Variants in ZNF536 observed in about 807,000 individuals in gnomAD.
ZNF536 encodes zinc finger protein 536.
A neutral mutation model predicts 84.5 loss-of-function variants in ZNF536; 13 were observed. That is an observed-to-expected ratio of 0.15 (90% CI 0.10 to 0.24). The LOEUF (loss-of-function observed/expected upper bound fraction) is 0.24. Ranked by LOEUF, ZNF536 falls within the 10% of genes least tolerant of loss-of-function variation. ZNF536 has a pLI of 1.00. For synonymous variants in ZNF536, 811 were observed against 742.5 expected, an observed-to-expected ratio of 1.09 and a Z score of -1.50; for missense variants, 1,536 against 1,747.5, an observed-to-expected ratio of 0.88 and a Z score of 2.16.
intron 1 of ZNF536, among the ~76,000 whole-genome samples, chr19:30,594,272 A>G (rs893298476): frequency 1.3e-5 from 2 of 152,250 alleles, no homozygotes; most frequent in African/African-American, 4.8e-5. Context: ...GCCAGCAGCC[A>G]GGTTCTCCTT....
chr19:30,710,633 A>C (rs1568695844), intron 1 of ZNF536: 1 of 152,248 alleles, frequency 6.6e-6, no homozygotes, highest in East Asian at 1.9e-4. Context: ...CACTCTCACT[A>C]TTTGATTTTT....
At chr19:30,539,958 G>A (rs539948396) in intron 3 of ZNF536, among the ~76,000 whole-genome samples, 1 of 152,344 alleles carries the variant, frequency 6.6e-6, no homozygotes, top group East Asian at 1.9e-4. Flanking sequence ...AAAACTTGGA[G>A]GCATGAAAGT....
intron 1 of ZNF536, among the ~76,000 whole-genome samples, chr19:30,607,534 A>G (rs1252945573): frequency 6.6e-6 from 1 of 152,016 alleles, no homozygotes; most frequent in Non-Finnish European, 1.5e-5. Context: ...AACCTGGCCA[A>G]CATGGTGAAA....
chr19:30,264,357 CT>C (rs2025384280), intron 1 of ZNF536, among the ~76,000 whole-genome samples: 1 of 151,666 alleles, frequency 6.6e-6, no homozygotes, highest in South Asian at 2.1e-4. Context: ...ACACCCTCCC[CT>C]GATCCCCCCA....
intron 1 of ZNF536, among the ~76,000 whole-genome samples, chr19:30,266,527 T>C (rs533024372): frequency 6.6e-6 from 1 of 152,004 alleles, no homozygotes; most frequent in Admixed American, 6.5e-5. Context: ...CTCTCCTCCT[T>C]GATTGTTTTG....
chr19:30,709,770 A>G (rs1254959565), intron 1 of ZNF536, among the ~76,000 whole-genome samples: 2 of 152,128 alleles, frequency 1.3e-5, no homozygotes, highest in African/African-American at 4.8e-5. Flanking sequence ...GACCACAGGC[A>G]TGTCCCTGGC....
intron 1 of ZNF536, among the ~76,000 whole-genome samples, chr19:30,418,132 C>A (rs1361015651): frequency 6.6e-6 from 1 of 151,640 alleles, no homozygotes; most frequent in Non-Finnish European, 1.5e-5. Context: ...AAACGAATAC[C>A]CAATTTTGCT....
intron 1 of ZNF536, among the ~76,000 whole-genome samples, chr19:30,269,538 G>A (rs1035653600): frequency 6.6e-6 from 1 of 152,166 alleles, no homozygotes; most frequent in Non-Finnish European, 1.5e-5. Flanking sequence ...TATGATTCAT[G>A]GTTGGGGTTG....
Position 30,279,384 on chromosome 19 carries a change from C to A in ZNF536, c.-189-4688C>A, listed in dbSNP as rs79371890. Among the ~76,000 whole-genome samples the A allele has an allele frequency of 3.3e-5, 5 of 152,114 alleles. No individual in the cohort carries two copies. The East Asian group carries it at 9.7e-4, about 30-fold the overall frequency. ...ATGGTTGAGTGAGTGGCTGATTCTCCGAGAGAAAGCTCCCTGGGAGCTTTC... is the reference window on the plus strand; with the variant it reads ...ATGGTTGAGTGAGTGGCTGATTCTCAGAGAGAAAGCTCCCTGGGAGCTTTC... On this transcript the variant is annotated intron_variant, in intron 1 of 5. Transcript: ENST00000585628.
Position 30,565,449 on chromosome 19 carries a change from A to G in ZNF536, c.169+15935A>G, listed in dbSNP as rs912786388. Among the ~76,000 whole-genome samples the G allele has an allele frequency of 1.1e-4, 17 of 152,154 alleles. 1 individual carries two copies. The highest frequency in any genetic ancestry group is 3.9e-4 in the African/African-American group (16 of 41,450). On this transcript the variant is annotated intron_variant, in intron 1 of 1. Coordinates refer to the ZNF536 transcript ENST00000592773. ...CCCGCAGGTCTGCCAGGCCTTCAGC[A>G]CTTCTGGACCCCAGCCACTTCTGCG...
At chr19:30,332,318 G>T (rs1021562349) in intron 2 of ZNF536, among the ~76,000 whole-genome samples, 3 of 152,254 alleles carry the variant, frequency 2.0e-5, no homozygotes, top group Admixed American at 1.3e-4. Context: ...TCTTCCCAGA[G>T]ATCCTCACCT....
chr19:30,604,547 A>C (rs1256122240), intron 1 of ZNF536, among the ~76,000 whole-genome samples: 1 of 152,232 alleles, frequency 6.6e-6, no homozygotes, highest in African/African-American at 2.4e-5. Flanking sequence ...GAGTGCTATT[A>C]GCTTCACAGG....
At chr19:30,631,493 C>T (rs904323603) in intron 1 of ZNF536, among the ~76,000 whole-genome samples, 25 of 152,164 alleles carry the variant, frequency 1.6e-4, no homozygotes, top group African/African-American at 1.4e-4. Context: ...AGATTGCTCA[C>T]GAATGTCTTC....
At chr19:30,472,706 T>G (rs2053687240) in intron 2 of ZNF536, among the ~76,000 whole-genome samples, 1 of 152,148 alleles carries the variant, frequency 6.6e-6, no homozygotes, top group Non-Finnish European at 1.5e-5. Flanking sequence ...TATGAAATCA[T>G]CACGAATATA....
At chr19:30,314,062 C>A (rs1265460518) in intron 2 of ZNF536, among the ~76,000 whole-genome samples, 3 of 152,190 alleles carry the variant, frequency 2.0e-5, no homozygotes, top group Admixed American at 2.0e-4. Flanking sequence ...TTGAGGTGGC[C>A]CTGCATGGCT....
chr19:30,350,184 C>T (rs1430170777), intron 2 of ZNF536, among the ~76,000 whole-genome samples: 2 of 152,126 alleles, frequency 1.3e-5, no homozygotes, highest in African/African-American at 4.8e-5. Flanking sequence ...TAAATTATGT[C>T]TAATGAACAT....
intron 1 of ZNF536, among the ~76,000 whole-genome samples, chr19:30,662,022 A>G (rs954649879): frequency 6.6e-6 from 1 of 152,228 alleles, no homozygotes; most frequent in Admixed American, 6.5e-5. Context: ...CCTTGAAATT[A>G]ACATAACTTA....
At chr19:30,561,037 G>T (rs372002197), downstream of ZNF536, among the ~76,000 whole-genome samples, 4 of 152,158 alleles carry the variant, frequency 2.6e-5, no homozygotes, top group African/African-American at 9.7e-5. Flanking sequence ...GTTCTTTGTG[G>T]AGTTGTCCAG....
chr19:30,596,915 C>T (rs1237470775), intron 1 of ZNF536, among the ~76,000 whole-genome samples: 2 of 151,822 alleles, frequency 1.3e-5, no homozygotes, highest in Admixed American at 6.6e-5. Flanking sequence ...GGACTAGCTT[C>T]TCTCTCCACC....
Sources: gnomAD v4.1 joint callset for allele counts (sites outside exome capture counted in the v4.1 genomes callset) on GRCh38, gnomAD v4.1.1 for gene constraint, MANE v1.5 for transcripts, NCBI Gene and HGNC (gene_info 2026-07-23, HGNC 2026-07-21) for gene names.